RAB28: variants seen among roughly 807,000 people sequenced by gnomAD.
RAB28 encodes ras-related protein Rab-28.
In RAB28, 24 loss-of-function variants were observed where a neutral mutation model predicts 31.7. That is an observed-to-expected ratio of 0.76 (90% CI 0.55 to 1.06). The LOEUF (loss-of-function observed/expected upper bound fraction) is 1.06. Among genes scored for constraint, RAB28 ranks in the 50% least tolerant of loss-of-function variants. The probability of loss-of-function intolerance (pLI) is 0.00; values close to 1 mark genes in which losing one functional copy is unlikely to be tolerated. For synonymous variants in RAB28, 100 were observed against 90.4 expected (o/e 1.11, Z -0.60); for missense variants, 254 against 258.5 (o/e 0.98, Z 0.12).
chr4:13,459,739 A>G, intron 4 of RAB28: 1 of 1,046,518 alleles, frequency 9.6e-7, no homozygotes. Flanking sequence ...GGAAGTTTAT[A>G]AGAGACAGGA....
chr4:13,399,554 A>T (rs1577174896), intron 4 of RAB28, among the ~76,000 whole-genome samples: 1 of 152,186 alleles, frequency 6.6e-6, no homozygotes, highest in African/African-American at 2.4e-5. Context: ...TCCATCTAGT[A>T]GTGACTATGA....
At chr4:13,437,706 T>C (rs1714200759) in intron 4 of RAB28, among the ~76,000 whole-genome samples, 1 of 152,094 alleles carries the variant, frequency 6.6e-6, no homozygotes, top group Non-Finnish European at 1.5e-5. Flanking sequence ...TAACAGACAT[T>C]GGAGAGGCTA....
intron 4 of RAB28, among the ~76,000 whole-genome samples, chr4:13,400,070 T>C (rs1577175392): frequency 6.6e-6 from 1 of 152,174 alleles, no homozygotes; most frequent in Admixed American, 6.5e-5. Flanking sequence ...ATTTTCTTTT[T>C]CTCTATAAAA....
At chr4:13,378,774 AG>A (rs1347937046) in intron 5 of RAB28, among the ~76,000 whole-genome samples, 1 of 152,194 alleles carries the variant, frequency 6.6e-6, no homozygotes, top group Non-Finnish European at 1.5e-5. Flanking sequence ...TGGGGTAAGT[AG>A]GATGAGGTTA....
rs1274526502 is a variant in RAB28 at position 13,460,755 on chromosome 4, T to C, written c.335A>G (p.Lys112Arg). Residue 112 changes from lysine (K) to arginine (R), a missense_variant, in exon 4 of 7, where the codon AAG becomes AGG. By Grantham distance (26) the Lys-to-Arg change is conservative. Coordinates refer to ENST00000330852, the MANE Select transcript of RAB28 (RefSeq NM_001017979.3). The stretch of plus-strand genomic sequence containing the variant: ...AGTTTCTGACTCCTCGCTCACTTTC[T>C]TCACCACAGTATACCAATCTTCTAA... ...ENLEDWYTVV[K>R]KVSEESETQP... The C allele has an allele frequency of 6.2e-7, 1 of 1,613,972 alleles. No homozygotes were observed. Among genetic ancestry groups the C allele is most frequent in the Non-Finnish European group, 8.5e-7 (1 of 1,179,972 alleles).
chr4:13,402,579 C>T (rs940266257), intron 4 of RAB28, among the ~76,000 whole-genome samples: 1 of 152,082 alleles, frequency 6.6e-6, no homozygotes, highest in Non-Finnish European at 1.5e-5. Context: ...GCAAAATATA[C>T]CTTTTCCCAT....
chr4:13,434,921 A>G (rs1282350464), intron 4 of RAB28, among the ~76,000 whole-genome samples: 2 of 150,076 alleles, frequency 1.3e-5, no homozygotes, highest in Non-Finnish European at 3.0e-5. Flanking sequence ...CAGGAGGCTG[A>G]GGCAGGAAAA....
intron 4 of RAB28, among the ~76,000 whole-genome samples, chr4:13,413,305 T>C (rs920500158): frequency 3.3e-5 from 5 of 152,194 alleles, no homozygotes; most frequent in Non-Finnish European, 7.3e-5. Flanking sequence ...AATCAAACTT[T>C]CCTTAGACTT....
chr4:13,404,339 T>C (rs1176844392), intron 4 of RAB28, among the ~76,000 whole-genome samples: 6 of 151,968 alleles, frequency 3.9e-5, no homozygotes, highest in Non-Finnish European at 5.9e-5. Flanking sequence ...GATCACACCA[T>C]TGCACTCCAG....
At position 13,479,458 on chromosome 4, in the gene RAB28, A is replaced by G. The variant is rs1459372478; in HGVS notation, c.144T>C (p.Asp48=). 1 of 1,607,564 alleles carries G rather than the reference A, an allele frequency of 6.2e-7. No homozygotes were observed. The highest frequency in any genetic ancestry group is 1.3e-5 in the African/African-American group (1 of 74,648). ...GKQYKQTIGL[D]FFLRRITLPG... ...GCAATGTTATCCTTCTCAAAAAGAA[A>G]TCCAGTCCTATAGTTTGTTTGTACT... Residue 48 remains aspartate (D), a synonymous_variant, in exon 2 of 7, where the codon GAT becomes GAC. Transcript: ENST00000330852.
At chr4:13,435,652 A>T (rs1417876738) in intron 4 of RAB28, among the ~76,000 whole-genome samples, 2 of 152,218 alleles carry the variant, frequency 1.3e-5, no homozygotes, top group Non-Finnish European at 2.9e-5. Flanking sequence ...CTGGAAACAC[A>T]CAACCTTCAA....
Position 13,415,495 on chromosome 4 carries a change from G to A in RAB28, c.392-33901C>T, listed in dbSNP as rs373950420. 2.4e-4 allele frequency among the ~76,000 whole-genome samples: 36 copies of A among 152,224 alleles called. No homozygotes were observed. In the South Asian group the frequency reaches 2.5e-3, roughly 11 times the overall value. On this transcript the variant is annotated intron_variant, in intron 4 of 6. Transcript: ENST00000330852. Reference sequence around the variant, plus strand: ...TCAGCGGGCTGCACTCAGAGCGCCCGGCCAGCCCTGCCGGCCCGGGCAATG... The same window carrying A: ...TCAGCGGGCTGCACTCAGAGCGCCCAGCCAGCCCTGCCGGCCCGGGCAATG...
chr4:13,474,566 C>T (rs1242044110), intron 2 of RAB28, among the ~76,000 whole-genome samples, 160 bp from the exon 3 acceptor site: 6 of 151,530 alleles, frequency 4.0e-5, no homozygotes, highest in Non-Finnish European at 5.9e-5. Flanking sequence ...ATTGCGAAAA[C>T]AACGTCAAAA....
intron 4 of RAB28, 39 bp from the exon 5 acceptor site, chr4:13,381,633 G>A: frequency 1.4e-6 from 2 of 1,449,240 alleles, no homozygotes; most frequent in Non-Finnish European, 1.9e-6. Context: ...TTCAATATTA[G>A]AGTCTATCAA....
rs1712790623 is a variant in RAB28 at position 13,416,506 on chromosome 4, A to C, written c.392-34912T>G. Among the ~76,000 whole-genome samples the C allele has an allele frequency of 2.0e-5, 3 of 152,232 alleles. No individual in the cohort carries two copies. In the South Asian group the frequency reaches 6.2e-4, roughly 32 times the overall value. On this transcript the variant is annotated intron_variant, in intron 4 of 6. Transcript: ENST00000330852. The stretch of plus-strand genomic sequence containing the variant: ...ACACAGTATGTTTAACAACATAGCC[A>C]AGTTTAAAAGATAAATTCTAAGAGA...
intron 4 of RAB28, among the ~76,000 whole-genome samples, chr4:13,399,756 G>A (rs552582603): frequency 3.2e-4 from 48 of 151,848 alleles, no homozygotes; most frequent in Admixed American, 5.9e-4. Context: ...TTTAACGAAC[G>A]GCCTTTTTCT....
intron 4 of RAB28, among the ~76,000 whole-genome samples, chr4:13,451,342 ATGTC>A (rs1714956206): frequency 6.7e-6 from 1 of 148,578 alleles, no homozygotes; most frequent in Non-Finnish European, 1.5e-5. Context: ...CTTTTGAAAA[ATGTC>A]TGTTCAGATC....
At chr4:13,388,741 G>C (rs1729495816) in intron 4 of RAB28, among the ~76,000 whole-genome samples, 1 of 151,966 alleles carries the variant, frequency 6.6e-6, no homozygotes, top group Non-Finnish European at 1.5e-5. Flanking sequence ...CACATCATCA[G>C]AGAAATGGAA....
intron 4 of RAB28, among the ~76,000 whole-genome samples, chr4:13,408,388 T>C (rs984590275): frequency 7.9e-5 from 12 of 152,188 alleles, no homozygotes; most frequent in African/African-American, 2.9e-4. Flanking sequence ...GGTAAGCTCT[T>C]AGATGTGCTG....
Sources: allele counts gnomAD v4.1 joint callset (sites outside exome capture counted in the v4.1 genomes callset), GRCh38; gene constraint gnomAD v4.1.1; transcripts MANE v1.5; gene names NCBI Gene and HGNC (gene_info 2026-07-23, HGNC 2026-07-21).